Variants in BICC1 observed in about 807,000 individuals in gnomAD.
The protein encoded by BICC1 is protein bicaudal C homolog 1.
BICC1 carries 43 observed loss-of-function variants against 111.0 expected under a neutral mutation model. The observed-to-expected ratio is 0.39, with a 90% CI of 0.30 to 0.50. The LOEUF (loss-of-function observed/expected upper bound fraction) is 0.50, where lower values mean the gene tolerates loss of function less well. BICC1 is among the 20% of genes least tolerant of loss of function. The pLI is 0.88. For synonymous variants in BICC1, 467 were observed against 434.4 expected (o/e 1.07, Z -0.93); for missense variants, 1,091 against 1,203.2 (o/e 0.91, Z 1.38).
intron 3 of BICC1, among the ~76,000 whole-genome samples, chr10:58,737,161 A>G (rs1220664854): frequency 9.9e-5 from 15 of 152,080 alleles, no homozygotes. Context: ...TTTGTTACAT[A>G]TATATACACA....
chr10:58,613,841 T>C (rs1347457256), intron 1 of BICC1, among the ~76,000 whole-genome samples: 1 of 152,204 alleles, frequency 6.6e-6, no homozygotes, highest in Non-Finnish European at 1.5e-5. Context: ...AGGTTGGGGT[T>C]GTAATTTGAA....
intron 2 of BICC1, among the ~76,000 whole-genome samples, chr10:58,680,557 C>T (rs1439199018): frequency 6.6e-6 from 1 of 152,156 alleles, no homozygotes; most frequent in African/African-American, 2.4e-5. Flanking sequence ...ATTCCATGCT[C>T]ATGGATAGGA....
intron 2 of BICC1, among the ~76,000 whole-genome samples, chr10:58,641,506 C>G (rs577114755): frequency 2.0e-5 from 3 of 151,530 alleles, no homozygotes; most frequent in African/African-American, 7.3e-5. Flanking sequence ...AACACTATTA[C>G]CAAATACATT....
At chr10:58,529,496 T>A (rs563002595) in intron 1 of BICC1, among the ~76,000 whole-genome samples, 1 of 152,084 alleles carries the variant, frequency 6.6e-6, no homozygotes, top group East Asian at 1.9e-4. Context: ...GCTTTTTCTT[T>A]TGTTTGTTAA....
Position 58,586,203 on chromosome 10 carries a change from T to TCATC in BICC1, c.191-34633_191-34630dup, listed in dbSNP as rs545267865. Among the ~76,000 whole-genome samples the TCATC allele has an allele frequency of 3.7e-3, 560 of 152,250 alleles. 4 individuals are homozygous for TCATC. The highest frequency in any genetic ancestry group is 0.013 in the African/African-American group (527 of 41,528). ...TTCTTTTGTTTCTTAACCCATTTAT[T>TCATC]CATCCATCCATCCATCCATCCAGTA... On this transcript the variant is annotated intron_variant, in intron 1 of 20. Coordinates refer to ENST00000373886, the MANE Select transcript of BICC1 (RefSeq NM_001080512.3).
At chr10:58,813,060 GC>G (rs1554836042) in intron 17 of BICC1, among the ~76,000 whole-genome samples, 1 of 152,100 alleles carries the variant, frequency 6.6e-6, no homozygotes, top group Non-Finnish European at 1.5e-5. Context: ...CTGTCTTTAT[GC>G]CATTGCAAGA....
intron 2 of BICC1, among the ~76,000 whole-genome samples, chr10:58,654,573 T>G (rs1319703651): frequency 2.4e-5 from 2 of 82,450 alleles, no homozygotes; most frequent in Non-Finnish European, 5.1e-5. Context: ...TTGTAGATTC[T>G]GGATATTAGC....
At chr10:58,518,131 T>C (rs1052354266) in intron 1 of BICC1, among the ~76,000 whole-genome samples, 2 of 152,172 alleles carry the variant, frequency 1.3e-5, no homozygotes, top group African/African-American at 2.4e-5. Flanking sequence ...TTTCACCCTT[T>C]TTAGTTGTAA....
intron 1 of BICC1, among the ~76,000 whole-genome samples, chr10:58,547,071 C>A (rs1185634997): frequency 6.6e-6 from 1 of 152,108 alleles, no homozygotes; most frequent in Non-Finnish European, 1.5e-5. Context: ...CAGCGAGTCC[C>A]CCTATACGCC....
At chr10:58,723,626 A>G (rs2132531141) in intron 3 of BICC1, among the ~76,000 whole-genome samples, 1 of 152,316 alleles carries the variant, frequency 6.6e-6, no homozygotes, top group Non-Finnish European at 1.5e-5. Context: ...TTGTGATGGC[A>G]CAGAGAGAAT....
chr10:58,798,471 G>A lies in BICC1; in HGVS notation c.1439G>A (p.Ser480Asn), dbSNP rs772135988. The A allele has an allele frequency of 5.6e-6, 9 of 1,613,232 alleles. No homozygotes were observed. Among genetic ancestry groups the A allele is most frequent in the Non-Finnish European group, 7.6e-6 (9 of 1,179,652 alleles). ...AACTCACTCTTGAATGCTCTTAATA[G>A]CTCAGTCAGTCCTTTGCAAAGTCCA... ...TPNSLLNALN[S>N]SVSPLQSPSS... Residue 480 changes from serine (S) to asparagine (N), a missense_variant, in exon 11 of 21, where the codon AGC (serine) becomes AAC (asparagine). Coordinates refer to ENST00000373886, the MANE Select transcript of BICC1 (RefSeq NM_001080512.3).
At chr10:58,642,330 A>G (rs1460954471) in intron 2 of BICC1, among the ~76,000 whole-genome samples, 1 of 151,866 alleles carries the variant, frequency 6.6e-6, no homozygotes, top group South Asian at 2.1e-4. Context: ...TACTGTCATT[A>G]TGTAGATCTT....
intron 3 of BICC1, among the ~76,000 whole-genome samples, chr10:58,709,658 G>A (rs1840511488): frequency 6.6e-6 from 1 of 152,204 alleles, no homozygotes; most frequent in Non-Finnish European, 1.5e-5. Context: ...GTAGGAAAAA[G>A]ATTTAGAATT....
intron 3 of BICC1, among the ~76,000 whole-genome samples, chr10:58,769,370 TAATG>T (rs1842550356): frequency 8.1e-6 from 1 of 123,154 alleles, no homozygotes; most frequent in African/African-American, 2.8e-5. Flanking sequence ...AATAGTTTTA[TAATG>T]TATGTGTGTG....
At chr10:58,658,239 G>A (rs1035075486) in intron 2 of BICC1, among the ~76,000 whole-genome samples, 1 of 152,166 alleles carries the variant, frequency 6.6e-6, no homozygotes, top group Non-Finnish European at 1.5e-5. Context: ...CCAGGCTGGA[G>A]TGCATTGGTG....
At chr10:58,563,483 T>A (rs767066041) in intron 1 of BICC1, among the ~76,000 whole-genome samples, 5 of 152,212 alleles carry the variant, frequency 3.3e-5, no homozygotes, top group African/African-American at 1.2e-4. Context: ...AAGCCAATCC[T>A]TGCTGGATGC....
At chr10:58,621,458 C>G (rs560979700) in intron 2 of BICC1, among the ~76,000 whole-genome samples, 1 of 152,112 alleles carries the variant, frequency 6.6e-6, no homozygotes, top group Non-Finnish European at 1.5e-5. Flanking sequence ...ACTGAATACC[C>G]GAGCATTTCT....
intron 1 of BICC1, among the ~76,000 whole-genome samples, chr10:58,579,587 T>C (rs935119858): frequency 2.0e-5 from 3 of 152,178 alleles, no homozygotes; most frequent in East Asian, 1.9e-4. Flanking sequence ...AATTTGGGGC[T>C]CTCCCTGGAT....
At chr10:58,734,246 C>A (rs1254566944) in intron 3 of BICC1, among the ~76,000 whole-genome samples, 1 of 152,170 alleles carries the variant, frequency 6.6e-6, no homozygotes, top group South Asian at 2.1e-4. Flanking sequence ...TACCCAGATG[C>A]CAGTATCCAA....
Sources: allele counts gnomAD v4.1 joint callset (sites outside exome capture counted in the v4.1 genomes callset), GRCh38; gene constraint gnomAD v4.1.1; transcripts MANE v1.5; gene names NCBI Gene and HGNC (gene_info 2026-07-23, HGNC 2026-07-21).